The following FRMD4B variants were observed in gnomAD, a reference collection of about 807,000 sequenced individuals.
FRMD4B encodes the protein FERM domain-containing protein 4B.
In FRMD4B, 74 loss-of-function variants were observed where a neutral mutation model predicts 141.5. That is an observed-to-expected ratio of 0.52 (90% CI 0.43 to 0.63). The LOEUF (loss-of-function observed/expected upper bound fraction) is 0.63, where lower values mean the gene tolerates loss of function less well. Ranked by LOEUF, FRMD4B falls within the 30% of genes least tolerant of loss-of-function variation. The probability of loss-of-function intolerance (pLI) is 0.00; values close to 1 mark genes in which losing one functional copy is unlikely to be tolerated. For missense variants in FRMD4B, 1,366 were observed against 1,253.4 expected, an observed-to-expected ratio of 1.09 and a Z score of -1.36; for synonymous variants, 506 against 467.9, an observed-to-expected ratio of 1.08 and a Z score of -1.05.
chr3:69,301,683 A>T (rs1342050128), intron 4 of FRMD4B, among the ~76,000 whole-genome samples: 1 of 152,224 alleles, frequency 6.6e-6, no homozygotes, highest in Non-Finnish European at 1.5e-5. Context: ...TAAAAAAAAT[A>T]GTTCTATCAT....
intron 4 of FRMD4B, among the ~76,000 whole-genome samples, chr3:69,298,444 G>C (rs1701105004): frequency 6.6e-6 from 1 of 152,126 alleles, no homozygotes; most frequent in Non-Finnish European, 1.5e-5. Flanking sequence ...GTTCCGATCT[G>C]TCCTCAACCC....
At chr3:69,542,536 C>G (rs1701205404) in exon 1 of FRMD4B, 1 of 152,482 alleles carries the variant, frequency 6.6e-6, no homozygotes, top group Non-Finnish European at 1.5e-5. Context: ...CAGCTGTGCC[C>G]CGGGCCGCCT....
chr3:69,207,113 G>T (rs1361815692), intron 11 of FRMD4B, among the ~76,000 whole-genome samples: 1 of 151,610 alleles, frequency 6.6e-6, no homozygotes, highest in African/African-American at 2.4e-5. Flanking sequence ...GACCAGCTTG[G>T]GCAACATAGT....
chr3:69,218,878 C>A (rs1361074745), intron 9 of FRMD4B, among the ~76,000 whole-genome samples: 3 of 152,040 alleles, frequency 2.0e-5, no homozygotes, highest in African/African-American at 4.8e-5. Flanking sequence ...ATATGTCCCC[C>A]CAGGCTGGGC....
At chr3:69,535,634 G>A (rs13088775) in intron 1 of FRMD4B, 9,249 of 197,464 alleles carry the variant, frequency 0.047, 352 homozygotes, top group East Asian at 0.13. Flanking sequence ...GCAGTGGCTC[G>A]GTCTCTCCGC....
intron 2 of FRMD4B, among the ~76,000 whole-genome samples, chr3:69,427,191 C>T (rs1226250373): frequency 6.6e-6 from 1 of 150,954 alleles, no homozygotes; most frequent in Non-Finnish European, 1.5e-5. Flanking sequence ...AGCATTAACC[C>T]CTCAATATTT....
chr3:69,340,532 T>A (rs767924336), intron 1 of FRMD4B, among the ~76,000 whole-genome samples: 1 of 152,180 alleles, frequency 6.6e-6, no homozygotes, highest in Non-Finnish European at 1.5e-5. Flanking sequence ...CGTGCAGTGG[T>A]TATGGGTGAA....
chr3:69,331,852 G>A (rs575624170), intron 1 of FRMD4B, among the ~76,000 whole-genome samples: 1 of 152,184 alleles, frequency 6.6e-6, no homozygotes, highest in Non-Finnish European at 1.5e-5. Flanking sequence ...CACTTTGGGA[G>A]GCCGAGGTGG....
chr3:69,422,380 C>G (rs1354409164), intron 2 of FRMD4B, among the ~76,000 whole-genome samples: 12 of 117,072 alleles, frequency 1.0e-4, no homozygotes, highest in Non-Finnish European at 1.9e-4. Flanking sequence ...GAGCGAGACT[C>G]TGAAAAAAAA....
chr3:69,410,726 A>T (rs71625007), intron 2 of FRMD4B, among the ~76,000 whole-genome samples: 568 of 85,534 alleles, frequency 6.6e-3, no homozygotes, highest in South Asian at 0.012. Flanking sequence ...TAAATAAATA[A>T]ATATATATAT....
chr3:69,261,202 A>G (rs1391312931), intron 5 of FRMD4B, among the ~76,000 whole-genome samples: 1 of 152,194 alleles, frequency 6.6e-6, no homozygotes, highest in African/African-American at 2.4e-5. Context: ...GAAGGTCTGC[A>G]TTTTCATTTA....
chr3:69,279,811 C>T (rs1487583705), intron 5 of FRMD4B, among the ~76,000 whole-genome samples: 2 of 146,556 alleles, frequency 1.4e-5, no homozygotes, highest in African/African-American at 5.0e-5. Flanking sequence ...TCCTCCTCTT[C>T]CTTCCCACTT....
At chr3:69,175,486 C>T (rs1255923922) in intron 22 of FRMD4B, among the ~76,000 whole-genome samples, 1 of 152,172 alleles carries the variant, frequency 6.6e-6, no homozygotes, top group Non-Finnish European at 1.5e-5. Context: ...GGACAGCTGG[C>T]TGTGTCTGTT....
intron 7 of FRMD4B, among the ~76,000 whole-genome samples, chr3:69,245,317 TTGTGTGTGTGTGTGTG>T (rs67220182): frequency 1.4e-5 from 2 of 142,958 alleles, no homozygotes; most frequent in Non-Finnish European, 3.0e-5. Flanking sequence ...CTGACTTTCT[TTGTGTGTGTGTGTGTG>T]TGTGTGTGTG....
intron 1 of FRMD4B, among the ~76,000 whole-genome samples, chr3:69,324,863 C>T (rs151194909): frequency 1.3e-5 from 2 of 150,512 alleles, no homozygotes; most frequent in Non-Finnish European, 3.0e-5. Context: ...AAGGCTGAGG[C>T]GGGGGGGGAT....
rs140143480 is a variant in FRMD4B, at chr3:69,433,307, C to G, written c.-128-546G>C. 3.4e-3 allele frequency among the ~76,000 whole-genome samples: 513 copies of G among 152,256 alleles called. 2 individuals are homozygous for G. Among genetic ancestry groups the G allele is most frequent in the African/African-American group, 0.012 (497 of 41,548 alleles). ...CATTTATATGTATTTCTCATTCTCC[C>G]TACTACAGAAAAGAAAACAGCTTTT... On this transcript the variant is annotated intron_variant, in intron 1 of 5. Coordinates refer to the FRMD4B transcript ENST00000459638.
At chr3:69,200,558 A>C (rs2092955733) in intron 11 of FRMD4B, 1 of 1,113,852 alleles carries the variant, frequency 9.0e-7, no homozygotes, top group Middle Eastern at 4.1e-4. Context: ...TCACAAACTG[A>C]GCCTCCCACG....
intron 1 of FRMD4B, among the ~76,000 whole-genome samples, chr3:69,464,268 A>G (rs1386983821): frequency 6.6e-6 from 1 of 152,140 alleles, no homozygotes; most frequent in African/African-American, 2.4e-5. Flanking sequence ...TGGGAAGGGT[A>G]TGTTGGCCAG....
At chr3:69,313,991 T>C (rs1414848263) in intron 1 of FRMD4B, among the ~76,000 whole-genome samples, 1 of 141,260 alleles carries the variant, frequency 7.1e-6, no homozygotes, top group Non-Finnish European at 1.5e-5. Context: ...TACAAAAAAT[T>C]AGCCGGGCGT....
Sources: allele counts gnomAD v4.1 joint callset (sites outside exome capture counted in the v4.1 genomes callset), GRCh38; gene constraint gnomAD v4.1.1; transcripts MANE v1.5; gene names NCBI Gene and HGNC (gene_info 2026-07-23, HGNC 2026-07-21).